The following UBE2E2 variants were observed in gnomAD, a reference collection of about 807,000 sequenced individuals.
The protein encoded by UBE2E2 is ubiquitin-conjugating enzyme E2 E2.
UBE2E2 carries 6 observed loss-of-function variants against 24.7 expected under a neutral mutation model. The ratio of observed to expected loss-of-function variants is 0.24; its 90% CI spans 0.13 to 0.48. The LOEUF is 0.48. Ranked by LOEUF, UBE2E2 falls within the 20% of genes least tolerant of loss-of-function variation. UBE2E2 has a pLI of 0.99. For synonymous variants in UBE2E2, 104 were observed against 83.6 expected, an observed-to-expected ratio of 1.24 and a Z score of -1.33; for missense variants, 169 against 245.0, an observed-to-expected ratio of 0.69 and a Z score of 2.07.
rs147713245 is a variant in UBE2E2 at position 23,486,695 on chromosome 3, A to T, written c.228-12913A>T. Among the ~76,000 whole-genome samples the T allele has an allele frequency of 2.4e-4, 37 of 152,170 alleles. No homozygotes were observed. The South Asian group carries it at 6.0e-3, about 25-fold the overall frequency. On this transcript the variant is annotated intron_variant, in intron 3 of 5. Coordinates refer to ENST00000396703, the MANE Select transcript of UBE2E2 (RefSeq NM_152653.4). The stretch of plus-strand genomic sequence containing the variant: ...TGAGTGACAGAACAGCTCTCAGGAG[A>T]CTCAAAGTGGTAACTCCTTTCAGCA...
intron 3 of UBE2E2, among the ~76,000 whole-genome samples, chr3:23,466,848 T>C (rs1238687472): frequency 6.6e-6 from 1 of 152,208 alleles, no homozygotes; most frequent in African/African-American, 2.4e-5. Context: ...ATTACAGGCA[T>C]GAGCCACCGC....
chr3:23,572,432 G>A (rs113422236), intron 5 of UBE2E2, among the ~76,000 whole-genome samples: 1 of 152,098 alleles, frequency 6.6e-6, no homozygotes, highest in Non-Finnish European at 1.5e-5. Context: ...GGTTACAAAG[G>A]TATATTGCGT....
intron 3 of UBE2E2, among the ~76,000 whole-genome samples, chr3:23,463,228 G>GA (rs918509175): frequency 9.3e-5 from 14 of 149,764 alleles, no homozygotes; most frequent in South Asian, 6.3e-4. Flanking sequence ...GGTGTTAAAA[G>GA]AAAAAAAAAG....
At chr3:23,397,647 G>T (rs1047400183) in intron 3 of UBE2E2, among the ~76,000 whole-genome samples, 1 of 152,154 alleles carries the variant, frequency 6.6e-6, no homozygotes, top group Non-Finnish European at 1.5e-5. Context: ...ACATTTTGGT[G>T]TCTGGCTTCT....
In UBE2E2 at chr3:23,362,632, C is replaced by G. The variant is rs1696149940; in HGVS notation, c.228-136976C>G. Among the ~76,000 whole-genome samples the G allele has an allele frequency of 2.0e-5, 3 of 152,102 alleles. No homozygotes were observed. The South Asian group carries it at 6.2e-4, about 32-fold the overall frequency. ...TGGCAGGGTGGGCCACCCTACCCACCCCTGCCACAGGTAGCCAGGCAAGCA... is the reference window on the plus strand; with the variant it reads ...TGGCAGGGTGGGCCACCCTACCCACGCCTGCCACAGGTAGCCAGGCAAGCA... On this transcript the variant is annotated intron_variant, in intron 3 of 5. Transcript: ENST00000396703.
chr3:23,413,858 G>A lies in UBE2E2; in HGVS notation c.228-85750G>A, dbSNP rs150800240. On this transcript the variant is annotated intron_variant, in intron 3 of 5. Coordinates refer to ENST00000396703, the MANE Select transcript of UBE2E2 (RefSeq NM_152653.4). ...ATACCTGATGAGTTGAACAAATGAG[G>A]AATCATTCCACTACGTAACTAGCAA... 5.9e-5 allele frequency among the ~76,000 whole-genome samples: 9 copies of A among 152,288 alleles called. No individual in the cohort carries two copies. The East Asian group carries it at 1.7e-3, about 29-fold the overall frequency.
intron 3 of UBE2E2, among the ~76,000 whole-genome samples, chr3:23,408,718 A>G (rs554806952): frequency 7.5e-4 from 114 of 152,276 alleles, no homozygotes; most frequent in African/African-American, 2.0e-3. Flanking sequence ...TAGGCTATCC[A>G]TAAGTGTCAC....
At chr3:23,221,037 T>A (rs1306456969) in intron 3 of UBE2E2, among the ~76,000 whole-genome samples, 1 of 152,244 alleles carries the variant, frequency 6.6e-6, no homozygotes, top group Non-Finnish European at 1.5e-5. Context: ...GCTATTATGA[T>A]CTGCTACTGC....
At chr3:23,291,443 T>C (rs1287989957) in intron 3 of UBE2E2, among the ~76,000 whole-genome samples, 2 of 152,218 alleles carry the variant, frequency 1.3e-5, no homozygotes, top group Non-Finnish European at 2.9e-5. Context: ...AAGGCTTTTG[T>C]TCACAATTTT....
chr3:23,561,096 G>T (rs1281058121), intron 5 of UBE2E2, among the ~76,000 whole-genome samples: 2 of 152,202 alleles, frequency 1.3e-5, no homozygotes, highest in African/African-American at 2.4e-5. Flanking sequence ...GTCAATTTTG[G>T]CTTTTGTTGC....
chr3:23,433,460 A>G (rs1479731780), intron 3 of UBE2E2, among the ~76,000 whole-genome samples: 4 of 152,040 alleles, frequency 2.6e-5, no homozygotes, highest in Non-Finnish European at 5.9e-5. Context: ...ACTGATGTCA[A>G]CAGTGAATGT....
At chr3:23,307,190 A>T (rs1699259896) in intron 3 of UBE2E2, among the ~76,000 whole-genome samples, 1 of 152,106 alleles carries the variant, frequency 6.6e-6, no homozygotes, top group African/African-American at 2.4e-5. Flanking sequence ...TGTGTCTTTT[A>T]AAAAATATAT....
chr3:23,434,295 A>C (rs954098026), intron 3 of UBE2E2, among the ~76,000 whole-genome samples: 1 of 152,156 alleles, frequency 6.6e-6, no homozygotes, highest in Non-Finnish European at 1.5e-5. Context: ...TGTAACATCC[A>C]ATTGCTTACT....
intron 3 of UBE2E2, among the ~76,000 whole-genome samples, chr3:23,255,079 C>CT (rs202015038): frequency 0.045 from 3,881 of 85,694 alleles, 155 homozygotes; most frequent in East Asian, 0.1. Flanking sequence ...GAGTAACTTC[C>CT]TTTTTTTTTT....
chr3:23,542,296 C>G (rs1559416320), intron 5 of UBE2E2, among the ~76,000 whole-genome samples: 1 of 152,116 alleles, frequency 6.6e-6, no homozygotes. Context: ...TCTGTAGATT[C>G]ATAATCAAAA....
At chr3:23,437,783 T>C (rs1698216001) in intron 3 of UBE2E2, among the ~76,000 whole-genome samples, 1 of 152,214 alleles carries the variant, frequency 6.6e-6, no homozygotes, top group South Asian at 2.1e-4. Flanking sequence ...GTAGATTGTG[T>C]ATATGTTCTC....
chr3:23,239,842 C>G (rs1467841587), intron 3 of UBE2E2, among the ~76,000 whole-genome samples: 1 of 152,154 alleles, frequency 6.6e-6, no homozygotes, highest in Non-Finnish European at 1.5e-5. Context: ...GTTTTATCCT[C>G]TTGATGTACA....
intron 2 of UBE2E2, among the ~76,000 whole-genome samples, chr3:23,210,807 A>G (rs1009832764): frequency 6.6e-6 from 1 of 152,114 alleles, no homozygotes; most frequent in African/African-American, 2.4e-5. Flanking sequence ...TGAATCTGTG[A>G]TTTTCAAATT....
At chr3:23,211,665 G>A (rs926184728) in intron 2 of UBE2E2, among the ~76,000 whole-genome samples, 1 of 152,056 alleles carries the variant, frequency 6.6e-6, no homozygotes, top group African/African-American at 2.4e-5. Context: ...CAAAGTGTTG[G>A]AATTACAGGC....
Sources: gnomAD v4.1 joint callset for allele counts (sites outside exome capture counted in the v4.1 genomes callset) on GRCh38, gnomAD v4.1.1 for gene constraint, MANE v1.5 for transcripts, NCBI Gene and HGNC (gene_info 2026-07-23, HGNC 2026-07-21) for gene names.